The following DCAF7 variants were observed in gnomAD, a reference collection of about 807,000 sequenced individuals.
DCAF7 encodes the protein DDB1 and CUL4 associated factor 7, also known as DDB1- and CUL4-associated factor 7.
Under a neutral mutation model 41.2 loss-of-function variants are expected in DCAF7, and 4 were observed. That is an observed-to-expected ratio of 0.10 (90% CI 0.05 to 0.22). The LOEUF (loss-of-function observed/expected upper bound fraction) is 0.22. Among genes scored for constraint, DCAF7 ranks in the 10% least tolerant of loss-of-function variants. The pLI is 1.00. For missense variants in DCAF7, 131 were observed against 443.2 expected (o/e 0.30, Z 6.32); for synonymous variants, 143 against 164.2 (o/e 0.87, Z 0.99).
In DCAF7 at chr17:63,589,307, G is replaced by C; in HGVS notation, c.*135G>C. The C allele has an allele frequency of 8.2e-7, 1 of 1,226,144 alleles. No homozygotes were observed. Among genetic ancestry groups the C allele is most frequent in the Non-Finnish European group, 1.2e-6 (1 of 860,988 alleles). 76.0% of individuals were successfully genotyped at this position (1,226,144 alleles called of 1,614,324 possible). A position where few individuals can be genotyped will look rare whatever the true frequency, so the allele number is the denominator to read the frequency against. On this transcript the variant is annotated 3_prime_UTR_variant, in exon 7 of 7. Transcript: ENST00000614556. ...TTTGCACCCACTGTTACCAGAAGCT[G>C]CTCTAGGAGTTCCTGGCCAGTCACC...
chr17:63,559,108 G>A (rs2033340954), intron 1 of DCAF7, among the ~76,000 whole-genome samples: 2 of 150,772 alleles, frequency 1.3e-5, no homozygotes, highest in South Asian at 4.2e-4. Flanking sequence ...TCAGGAGTTC[G>A]AGACCAGCCT....
chr17:63,550,743 G>A lies in DCAF7; in HGVS notation c.66G>A (p.Met22Ile). ...KYEAPWTVYA[M>I]NWSVRPDKRF... is the part of the protein sequence containing the mutation. ...AAGCGCCCTGGACAGTCTACGCGAT[G>A]AACTGGAGTGTGCGGCCCGATAAGC... The change falls in exon 1 of 7, where the codon ATG becomes ATA. Residue 22 changes from methionine to isoleucine, a missense_variant. Met to Ile is a conservative substitution (Grantham distance 10). Coordinates refer to ENST00000614556, the MANE Select transcript of DCAF7 (RefSeq NM_005828.5). This position sits in a 1 kb window ranked among gnomAD's most constrained non-coding sequence, Gnocchi z 4.8. 1.2e-6 allele frequency: 2 copies of A among 1,613,942 alleles called. No homozygotes were observed. Among genetic ancestry groups the A allele is most frequent in the Non-Finnish European group, 1.7e-6 (2 of 1,179,844 alleles).
intron 4 of DCAF7, among the ~76,000 whole-genome samples, chr17:63,581,559 A>G (rs559324504): frequency 1.3e-5 from 2 of 152,332 alleles, no homozygotes; most frequent in Non-Finnish European, 2.9e-5. Flanking sequence ...CCTGCCTCCC[A>G]TCATCCATTT....
intron 1 of DCAF7, among the ~76,000 whole-genome samples, chr17:63,571,877 C>A (rs866674100): frequency 1.4e-4 from 22 of 151,860 alleles, no homozygotes; most frequent in Non-Finnish European, 8.8e-5. Flanking sequence ...GAATCTTAGG[C>A]TGGAGTTGAA....
intron 1 of DCAF7, among the ~76,000 whole-genome samples, chr17:63,559,431 A>ATG (rs1179071331): frequency 0.019 from 1,857 of 98,258 alleles, 105 homozygotes; most frequent in African/African-American, 0.088. Flanking sequence ...GTATATATAT[A>ATG]TGTGTGTGTA....
chr17:63,573,052 C>G (rs1451919564), intron 1 of DCAF7, among the ~76,000 whole-genome samples: 1 of 152,202 alleles, frequency 6.6e-6, no homozygotes, highest in Non-Finnish European at 1.5e-5. Flanking sequence ...TGTGAGCCAC[C>G]ACACCCAGCC....
At chr17:63,569,104 G>T (rs2033477095) in intron 1 of DCAF7, among the ~76,000 whole-genome samples, 1 of 152,148 alleles carries the variant, frequency 6.6e-6, no homozygotes, top group Admixed American at 6.6e-5. Context: ...CAGAAATTCT[G>T]GTTTTAGTGG....
intron 5 of DCAF7, among the ~76,000 whole-genome samples, chr17:63,584,950 C>A (rs2033662075): frequency 1.3e-5 from 2 of 152,044 alleles, no homozygotes; most frequent in Admixed American, 6.6e-5. Context: ...CTGCTGGGAC[C>A]CAGGATTACC....
chr17:63,579,711 C>T, intron 3 of DCAF7, 114 bp from the exon 4 acceptor site: 1 of 919,728 alleles, frequency 1.1e-6, no homozygotes, highest in Non-Finnish European at 1.6e-6. Flanking sequence ...ACCTTGTTTT[C>T]TGTAGTCTTT....
Position 63,591,445 on chromosome 17 carries a change from C to G in DCAF7, c.*2273C>G, listed in dbSNP as rs542537783. On this transcript the variant is annotated 3_prime_UTR_variant, in exon 7 of 7. Coordinates refer to ENST00000614556, the MANE Select transcript of DCAF7 (RefSeq NM_005828.5). ...TTTGAGATTTCCCTTGCCCTGTGGA[C>G]GCCCAGCTCCTGTCATCCTTCCTTA... 1 of 152,258 alleles carries G rather than the reference C, an allele frequency of 6.6e-6. No homozygotes were observed. Among genetic ancestry groups the G allele is most frequent in the Non-Finnish European group, 1.5e-5 (1 of 68,074 alleles). 9.4% of individuals were successfully genotyped at this position (152,258 alleles called of 1,614,324 possible). A position where few individuals can be genotyped will look rare whatever the true frequency, so the allele number is the denominator to read the frequency against.
At chr17:63,559,076 C>T (rs960106428) in intron 1 of DCAF7, among the ~76,000 whole-genome samples, 4 of 151,436 alleles carry the variant, frequency 2.6e-5, no homozygotes, top group African/African-American at 9.7e-5. Flanking sequence ...CTTTGGGAGG[C>T]GGGGGCAGGC....
intron 1 of DCAF7, among the ~76,000 whole-genome samples, chr17:63,554,568 C>CT (rs2033291928): frequency 6.6e-6 from 1 of 152,242 alleles, no homozygotes; most frequent in South Asian, 2.1e-4. Flanking sequence ...CCTGGGTTAT[C>CT]TAAGTCCTGC....
chr17:63,569,307 C>T (rs1312647910), intron 1 of DCAF7, among the ~76,000 whole-genome samples: 1 of 151,828 alleles, frequency 6.6e-6, no homozygotes, highest in Non-Finnish European at 1.5e-5. Flanking sequence ...CTAGGGTGTC[C>T]CCATTTTTGG....
Position 63,550,616 on chromosome 17 carries a change from T to A in DCAF7, c.-62T>A. On this transcript the variant is annotated 5_prime_UTR_variant, in exon 1 of 7. Transcript: ENST00000614556. This position sits in a 1 kb window ranked among gnomAD's most constrained non-coding sequence, Gnocchi z 4.8. The stretch of plus-strand genomic sequence containing the variant: ...CCCTTCGGACCCATAGATCTCAGGC[T>A]CGGCTCCCCGCCCGCCGCAGCCCAC... 1 of 1,593,708 alleles carries A rather than the reference T, an allele frequency of 6.3e-7. No homozygotes were observed. The highest frequency in any genetic ancestry group is 1.1e-5 in the South Asian group (1 of 90,476).
chr17:63,552,667 TG>T (rs1237269165), intron 1 of DCAF7: 1 of 152,254 alleles, frequency 6.6e-6, no homozygotes, highest in African/African-American at 2.4e-5. Context: ...TGTTTTTTCT[TG>T]TAAGTTTTTC....
intron 1 of DCAF7, among the ~76,000 whole-genome samples, chr17:63,576,730 A>T (rs1048970216): frequency 5.3e-5 from 8 of 152,136 alleles, no homozygotes; most frequent in African/African-American, 1.9e-4. Context: ...CCTGGGCAAC[A>T]TAAGGAGACC....
At position 63,564,379 on chromosome 17, in the gene DCAF7, A is replaced by G. The variant is rs541330419; in HGVS notation, c.138+13564A>G. The stretch of plus-strand genomic sequence containing the variant: ...AGAACTCTGGTATCTAAATTCTAGC[A>G]CTCACCTCTTTTTCCACTGGAGTCT... On this transcript the variant is annotated intron_variant, in intron 1 of 6. Transcript: ENST00000614556. Among the ~76,000 whole-genome samples the G allele has an allele frequency of 1.1e-4, 17 of 152,310 alleles. No homozygotes were observed. The South Asian group carries it at 3.3e-3, about 30-fold the overall frequency.
Position 63,550,994 on chromosome 17 carries a change from A to C in DCAF7, c.138+179A>C, listed in dbSNP as rs2147753954. 6.6e-6 allele frequency among the ~76,000 whole-genome samples: 1 copy of C among 152,342 alleles called. No individual in the cohort carries two copies. The highest frequency in any genetic ancestry group is 6.5e-5 in the Admixed American group (1 of 15,308). On this transcript the variant is annotated intron_variant, in intron 1 of 6. Coordinates refer to ENST00000614556, the MANE Select transcript of DCAF7 (RefSeq NM_005828.5). This position sits in a 1 kb window ranked among gnomAD's most constrained non-coding sequence, Gnocchi z 4.8. ...ACTCGTTGTCTGTCTCCTTTAATCCAGGCAGCATTCTTGTGTAGTCGGCAG... is the reference window on the plus strand; with the variant it reads ...ACTCGTTGTCTGTCTCCTTTAATCCCGGCAGCATTCTTGTGTAGTCGGCAG...
Position 63,589,486 on chromosome 17 carries a change from C to G in DCAF7, c.*314C>G, listed in dbSNP as rs980883927. ...TCAGGCGTTGTGTTGAGGAGCAGTT[C>G]ACGCACTGGCTGTGTCTATTCCTCT... On this transcript the variant is annotated 3_prime_UTR_variant, in exon 7 of 7. Coordinates refer to ENST00000614556, the MANE Select transcript of DCAF7 (RefSeq NM_005828.5). 7 of 391,964 alleles carry G rather than the reference C, an allele frequency of 1.8e-5. No homozygotes were observed. Among genetic ancestry groups the G allele is most frequent in the African/African-American group, 1.5e-4 (7 of 48,256 alleles). 24.3% of individuals were successfully genotyped at this position (391,964 alleles called of 1,614,324 possible).
Sources: gnomAD v4.1 joint callset for allele counts (sites outside exome capture counted in the v4.1 genomes callset) on GRCh38, gnomAD v4.1.1 for gene constraint, Gnocchi (gnomAD v3.1) non-coding constraint, MANE v1.5 for transcripts, NCBI Gene and HGNC (gene_info 2026-07-23, HGNC 2026-07-21) for gene names.